Variants in CADM1 observed in about 807,000 individuals in gnomAD.
CADM1 encodes the protein cell adhesion molecule 1.
A neutral mutation model predicts 53.1 loss-of-function variants in CADM1; 15 were observed. The observed-to-expected ratio is 0.28, with a 90% CI of 0.19 to 0.44. CADM1 has a LOEUF of 0.44. CADM1 is among the 20% of genes least tolerant of loss of function. CADM1 has a pLI of 1.00. For synonymous variants in CADM1, 281 were observed against 243.0 expected, an observed-to-expected ratio of 1.16 and a Z score of -1.45; for missense variants, 434 against 611.3, an observed-to-expected ratio of 0.71 and a Z score of 3.06.
intron 5 of CADM1, among the ~76,000 whole-genome samples, chr11:115,226,664 G>C (rs7126114): frequency 0.062 from 9,450 of 152,230 alleles, 870 homozygotes; most frequent in African/African-American, 0.2. Flanking sequence ...TCTGCAGAGA[G>C]AGGACGGCTG....
intron 6 of CADM1, among the ~76,000 whole-genome samples, chr11:115,216,455 G>C (rs1216289439): frequency 6.6e-6 from 1 of 152,194 alleles, no homozygotes; most frequent in Non-Finnish European, 1.5e-5. Flanking sequence ...ATTGCAAGCG[G>C]CAAGAGGCCT....
At chr11:115,197,659 CTT>C (rs1000127160) in intron 9 of CADM1, among the ~76,000 whole-genome samples, 10 of 152,180 alleles carry the variant, frequency 6.6e-5, no homozygotes, top group Admixed American at 1.3e-4. Flanking sequence ...GTTTTTATCA[CTT>C]TGTGGTTAAA....
intron 1 of CADM1, among the ~76,000 whole-genome samples, chr11:115,503,286 C>G (rs1053229028): frequency 6.6e-6 from 1 of 152,240 alleles, no homozygotes; most frequent in Non-Finnish European, 1.5e-5. Flanking sequence ...ACACATCGGG[C>G]TCCAGCCGAG....
rs761396235 is a variant in CADM1, at chr11:115,214,751, T to C, written c.851A>G (p.Asp284Gly). Residue 284 changes from aspartate (D) to glycine (G), a missense_variant, in exon 7 of 12, where the codon GAT becomes GGT. This residue lies in a region of CADM1 where 311 missense variants were observed against 435.1 expected (regional missense o/e 0.71). Transcript: ENST00000331581. ...TACGGCGTGTTGAGGCATTTCATCA[T>C]CGACTCTCACCCAAGTTACCATCAC... is the stretch of plus-strand genomic sequence containing the variant. ...QPVMVTWVRV[D>G]DEMPQHAVLS... The C allele has an allele frequency of 1.2e-6, 2 of 1,613,980 alleles. No individual in the cohort carries two copies. The highest frequency in any genetic ancestry group is 2.2e-5 in the East Asian group (1 of 44,864).
intron 10 of CADM1, among the ~76,000 whole-genome samples, chr11:115,190,296 G>C (rs1221996903): frequency 1.3e-5 from 2 of 152,114 alleles, no homozygotes; most frequent in Non-Finnish European, 2.9e-5. Flanking sequence ...CTAAATCCTG[G>C]AATCAAGCAT....
intron 10 of CADM1, 194 bp from the exon 11 acceptor site, chr11:115,178,969 C>T (rs1456192333): frequency 4.7e-6 from 3 of 640,088 alleles, no homozygotes; most frequent in Non-Finnish European, 8.4e-6. Context: ...GTTCTCCCCA[C>T]GAGGCAATTT....
At chr11:115,219,620 T>C (rs1448208360) in intron 5 of CADM1, among the ~76,000 whole-genome samples, 1 of 152,166 alleles carries the variant, frequency 6.6e-6, no homozygotes, top group Non-Finnish European at 1.5e-5. Context: ...CAGATACTGA[T>C]AACTGGGTCG....
chr11:115,213,228 C>T (rs1018937906), intron 7 of CADM1, among the ~76,000 whole-genome samples: 17 of 152,292 alleles, frequency 1.1e-4, no homozygotes, highest in African/African-American at 4.1e-4. Flanking sequence ...TACTTTTCAC[C>T]CCCGCCGAGC....
rs560545879 is a variant in CADM1 at position 115,367,286 on chromosome 11, C to A, written c.125-126866G>T. The stretch of plus-strand genomic sequence containing the variant: ...CTTCTCTTTTGTATGATATCCTGAA[C>A]GTTGTTAGAGATTAAAAAACAAACA... On this transcript the variant is annotated intron_variant, in intron 1 of 11. Transcript: ENST00000331581. Among the ~76,000 whole-genome samples, 187 of 152,272 alleles carry A rather than the reference C, an allele frequency of 1.2e-3. 1 individual carries two copies. The highest frequency in any genetic ancestry group is 2.2e-3 in the Non-Finnish European group (149 of 68,018).
intron 1 of CADM1, among the ~76,000 whole-genome samples, chr11:115,355,187 T>C (rs1462041985): frequency 6.6e-6 from 1 of 152,184 alleles, no homozygotes; most frequent in East Asian, 1.9e-4. Context: ...TTCACAATAA[T>C]AGCAAAGACA....
intron 1 of CADM1, among the ~76,000 whole-genome samples, chr11:115,334,757 A>G (rs1185619492): frequency 6.6e-6 from 1 of 152,142 alleles, no homozygotes; most frequent in Non-Finnish European, 1.5e-5. Flanking sequence ...TGTTTTGAAC[A>G]GTAAATACAC....
chr11:115,348,642 CTT>C (rs10595129), intron 1 of CADM1, among the ~76,000 whole-genome samples: 2,221 of 152,272 alleles, frequency 0.015, 21 homozygotes, highest in African/African-American at 0.028. Context: ...AAACGCAGCT[CTT>C]GTCTGCTATG....
At chr11:115,212,803 T>G (rs1041564915) in intron 7 of CADM1, among the ~76,000 whole-genome samples, 1 of 152,186 alleles carries the variant, frequency 6.6e-6, no homozygotes, top group South Asian at 2.1e-4. Flanking sequence ...ATCTGTAAAA[T>G]GGGATCGTGA....
At chr11:115,413,856 G>C (rs946091839) in intron 1 of CADM1, among the ~76,000 whole-genome samples, 2 of 151,966 alleles carry the variant, frequency 1.3e-5, no homozygotes, top group East Asian at 3.9e-4. Flanking sequence ...TGTTGGCCAG[G>C]CTGGCCTCAA....
In CADM1 at chr11:115,451,234, C is replaced by G. The variant is rs1482962300; in HGVS notation, c.124+53037G>C. Among the ~76,000 whole-genome samples, 11 of 152,266 alleles carry G rather than the reference C, an allele frequency of 7.2e-5. No homozygotes were observed. In the East Asian group the frequency reaches 1.2e-3, roughly 16 times the overall value. ...CATCTTGGTTGTATTAATTATCTGC[C>G]TTGCCTAAGTTATCAAGACCTGAAA... On this transcript the variant is annotated intron_variant, in intron 1 of 11. Coordinates refer to ENST00000331581, the MANE Select transcript of CADM1 (RefSeq NM_001301043.2).
chr11:115,407,794 T>TG (rs1370815895), intron 1 of CADM1, among the ~76,000 whole-genome samples: 4 of 131,328 alleles, frequency 3.0e-5, no homozygotes, highest in East Asian at 5.1e-4. Context: ...CACCTGAGCC[T>TG]GGGGGGGTTC....
chr11:115,435,059 C>G (rs1452967078), intron 1 of CADM1, among the ~76,000 whole-genome samples: 2 of 151,804 alleles, frequency 1.3e-5, no homozygotes, highest in African/African-American at 4.8e-5. Context: ...CAGGGTTTCT[C>G]CATGTTGGCC....
chr11:115,418,356 T>G (rs771848637), intron 1 of CADM1, among the ~76,000 whole-genome samples: 1 of 152,148 alleles, frequency 6.6e-6, no homozygotes, highest in Non-Finnish European at 1.5e-5. Context: ...TCATGTAACC[T>G]ATTTACAGTC....
At chr11:115,374,933 A>G (rs1946401166) in intron 1 of CADM1, among the ~76,000 whole-genome samples, 1 of 152,180 alleles carries the variant, frequency 6.6e-6, no homozygotes, top group African/African-American at 2.4e-5. Flanking sequence ...TTTTTTTCAA[A>G]GTAATAATAA....
Sources: gnomAD v4.1 joint callset for allele counts (sites outside exome capture counted in the v4.1 genomes callset) on GRCh38, gnomAD v4.1.1 for gene constraint, gnomAD v4.1.1 regional missense constraint, MANE v1.5 for transcripts, NCBI Gene and HGNC (gene_info 2026-07-23, HGNC 2026-07-21) for gene names.